CSMD1: variants seen among roughly 807,000 people sequenced by gnomAD.
CSMD1 encodes the protein CUB and sushi domain-containing protein 1.
A neutral mutation model predicts 417.5 loss-of-function variants in CSMD1; 213 were observed. That is an observed-to-expected ratio of 0.51 (90% CI 0.46 to 0.57). CSMD1 has a LOEUF of 0.57. Ranked by LOEUF, CSMD1 falls within the 20% of genes least tolerant of loss-of-function variation. The pLI, the probability that CSMD1 is intolerant of heterozygous loss-of-function variation, is 0.00. For missense variants in CSMD1, 6,923 were observed against 4,529.7 expected, an observed-to-expected ratio of 1.53 and a Z score of -15.17; for synonymous variants, 2,862 against 1,736.8, an observed-to-expected ratio of 1.65 and a Z score of -16.11.
intron 1 of CSMD1, among the ~76,000 whole-genome samples, chr8:4,789,196 A>C (rs1301867978): frequency 4.6e-5 from 7 of 152,224 alleles, no homozygotes; most frequent in African/African-American, 1.7e-4. Context: ...GAAAATATTC[A>C]ATAAATATTA....
chr8:4,940,759 T>C (rs1807942287), intron 1 of CSMD1, among the ~76,000 whole-genome samples: 1 of 152,178 alleles, frequency 6.6e-6, no homozygotes, highest in African/African-American at 2.4e-5. Flanking sequence ...GTGGTAATGC[T>C]TCAACATAGA....
intron 3 of CSMD1, among the ~76,000 whole-genome samples, chr8:4,274,771 G>T (rs1175681019): frequency 6.6e-6 from 1 of 152,102 alleles, no homozygotes; most frequent in South Asian, 2.1e-4. Context: ...GGGATTATTA[G>T]AATTTTTTAT....
intron 37 of CSMD1, among the ~76,000 whole-genome samples, chr8:3,180,833 G>T (rs571551952): frequency 6.6e-6 from 1 of 151,740 alleles, no homozygotes; most frequent in Admixed American, 6.6e-5. Context: ...TAGTAGAGAC[G>T]GGGTTTCTCC....
intron 42 of CSMD1, among the ~76,000 whole-genome samples, chr8:3,117,255 T>G (rs1043082081): frequency 2.6e-5 from 4 of 152,124 alleles, no homozygotes; most frequent in Non-Finnish European, 5.9e-5. Context: ...GTATTTTTAG[T>G]AGAGACGGTG....
At chr8:3,987,465 T>G (rs1418202493) in intron 5 of CSMD1, among the ~76,000 whole-genome samples, 1 of 152,200 alleles carries the variant, frequency 6.6e-6, no homozygotes, top group East Asian at 1.9e-4. Flanking sequence ...ACTTTCATAT[T>G]CACCCAGCTA....
intron 2 of CSMD1, among the ~76,000 whole-genome samples, chr8:4,551,307 C>T (rs1797859935): frequency 6.6e-6 from 1 of 152,246 alleles, no homozygotes; most frequent in Admixed American, 6.5e-5. Flanking sequence ...AACCCAATCT[C>T]TTGTCTTCTC....
intron 5 of CSMD1, among the ~76,000 whole-genome samples, chr8:3,758,490 A>G (rs1051778637): frequency 2.0e-5 from 3 of 152,140 alleles, no homozygotes; most frequent in Admixed American, 2.0e-4. Flanking sequence ...CTGTGTTGTT[A>G]TTCTATCGCT....
chr8:4,672,502 A>G (rs557338447), intron 1 of CSMD1, among the ~76,000 whole-genome samples: 1 of 152,220 alleles, frequency 6.6e-6, no homozygotes, highest in East Asian at 1.9e-4. Context: ...GATGAAAAAA[A>G]GCTTTAATAA....
At chr8:3,687,088 A>T (rs1333801889) in intron 7 of CSMD1, among the ~76,000 whole-genome samples, 1 of 152,238 alleles carries the variant, frequency 6.6e-6, no homozygotes, top group Non-Finnish European at 1.5e-5. Flanking sequence ...TACCAAATGT[A>T]TGTCCAATAA....
intron 25 of CSMD1, among the ~76,000 whole-genome samples, chr8:3,294,441 C>G (rs1289663736): frequency 6.6e-6 from 1 of 152,200 alleles, no homozygotes; most frequent in Non-Finnish European, 1.5e-5. Context: ...CAGAGGCAGG[C>G]AGGCTTCCTT....
In CSMD1 at chr8:4,483,516, A is replaced by G. The variant is rs191089826; in HGVS notation, c.303-63451T>C. ...AATGTATGATGTATGAAAGTCATAC[A>G]AACATGAGTGACAAGGACACCAAAA... On this transcript the variant is annotated intron_variant, in intron 2 of 69. Coordinates refer to ENST00000635120, the MANE Select transcript of CSMD1 (RefSeq NM_033225.6). Among the ~76,000 whole-genome samples, 3 of 152,372 alleles carry G rather than the reference A, an allele frequency of 2.0e-5. No homozygotes were observed. In the East Asian group the frequency reaches 5.8e-4, roughly 29 times the overall value.
chr8:3,325,673 A>C lies in CSMD1; in HGVS notation c.3632-17170T>G, dbSNP rs1271760422. 2.0e-5 allele frequency among the ~76,000 whole-genome samples: 3 copies of C among 152,206 alleles called. No homozygotes were observed. The East Asian group carries it at 5.8e-4, about 29-fold the overall frequency. On this transcript the variant is annotated intron_variant, in intron 23 of 69. Coordinates refer to ENST00000635120, the MANE Select transcript of CSMD1 (RefSeq NM_033225.6). ...ACCCCGTCTCTACTAAAAATACAGA[A>C]GTTAGCTGGGCATGGTGGCAGGCGC...
chr8:4,407,109 T>C (rs1314743756), intron 3 of CSMD1, among the ~76,000 whole-genome samples: 2 of 152,152 alleles, frequency 1.3e-5, no homozygotes, highest in Admixed American at 6.5e-5. Context: ...AGCAGCAGAG[T>C]TGGGTAGTTA....
intron 3 of CSMD1, among the ~76,000 whole-genome samples, chr8:4,121,688 G>T (rs1802496456): frequency 1.3e-5 from 2 of 150,154 alleles, no homozygotes; most frequent in East Asian, 3.9e-4. Flanking sequence ...CAAAGTTGAA[G>T]AGGGTTTTCA....
intron 2 of CSMD1, among the ~76,000 whole-genome samples, chr8:4,609,132 G>A (rs1328250712): frequency 2.6e-5 from 4 of 152,212 alleles, no homozygotes; most frequent in East Asian, 1.9e-4. Context: ...AGATGCGCTG[G>A]CTCATGCATG....
chr8:3,432,817 A>G (rs12544202), intron 12 of CSMD1, among the ~76,000 whole-genome samples: 13,355 of 152,214 alleles, frequency 0.088, 726 homozygotes, highest in East Asian at 0.26. Flanking sequence ...CATGGCCAAC[A>G]TGGGCTTATT....
intron 26 of CSMD1, among the ~76,000 whole-genome samples, chr8:3,265,961 T>A (rs1047101693): frequency 3.9e-5 from 6 of 152,054 alleles, no homozygotes; most frequent in South Asian, 2.1e-4. Flanking sequence ...TTGGATGCGT[T>A]ATTTTTAGAT....
chr8:3,547,791 T>C (rs996122235), intron 10 of CSMD1, among the ~76,000 whole-genome samples: 4 of 152,166 alleles, frequency 2.6e-5, no homozygotes, highest in African/African-American at 9.7e-5. Context: ...CTCTTTAAGA[T>C]TTATGAAAAG....
intron 1 of CSMD1, among the ~76,000 whole-genome samples, chr8:4,642,601 C>G (rs965041309): frequency 2.6e-5 from 4 of 152,100 alleles, no homozygotes; most frequent in Non-Finnish European, 5.9e-5. Context: ...TCTCTCAGTC[C>G]TGGGCTGGGT....
Sources: allele counts gnomAD v4.1 joint callset (sites outside exome capture counted in the v4.1 genomes callset), GRCh38; gene constraint gnomAD v4.1.1; transcripts MANE v1.5; gene names NCBI Gene and HGNC (gene_info 2026-07-23, HGNC 2026-07-21).